Variants in ASCL3 observed in about 807,000 individuals in gnomAD.
The protein encoded by ASCL3 is achaete-scute homolog 3.
In ASCL3, 1 loss-of-function variant was observed where a neutral mutation model predicts 2.3. The observed-to-expected ratio is 0.44, with a 90% CI of 0.16 to 2.10. The LOEUF (loss-of-function observed/expected upper bound fraction) is 2.10. Ranked by LOEUF, ASCL3 falls within the 30% of genes most tolerant of loss-of-function variation. The pLI is 0.28. For missense variants in ASCL3, 243 were observed against 229.0 expected, an observed-to-expected ratio of 1.06 and a Z score of -0.40; for synonymous variants, 98 against 88.5, an observed-to-expected ratio of 1.11 and a Z score of -0.60.
intron 1 of ASCL3, among the ~76,000 whole-genome samples, chr11:8,940,287 G>T (rs1418024153): frequency 2.0e-5 from 3 of 151,826 alleles, no homozygotes; most frequent in African/African-American, 2.4e-5. Flanking sequence ...GTTGGTTTTT[G>T]TGTGTGTGTG....
At position 8,937,787 on chromosome 11, in the gene ASCL3, C is replaced by T; in HGVS notation, c.375G>A (p.Leu125=). ...TTTCCACTTTGCTGAGTCGCTTCTC[C>T]AAATACTCCTCTGGCAGATGATGGC... ...QLRHHLPEEY[L]EKRLSKVETL... Residue 125 remains leucine, a synonymous_variant, in exon 2 of 2, where the codon TTG becomes TTA. Coordinates refer to ENST00000531618, the MANE Select transcript of ASCL3 (RefSeq NM_020646.3). The T allele has an allele frequency of 6.2e-7, 1 of 1,614,070 alleles. No homozygotes were observed. The highest frequency in any genetic ancestry group is 8.5e-7 in the Non-Finnish European group (1 of 1,179,984).
chr11:8,938,187 C>A lies in ASCL3; in HGVS notation c.-12-14G>T. 2 of 1,544,710 alleles carry A rather than the reference C, an allele frequency of 1.3e-6. No homozygotes were observed. Among genetic ancestry groups the A allele is most frequent in the Non-Finnish European group, 8.8e-7 (1 of 1,140,814 alleles). The stretch of plus-strand genomic sequence containing the variant: ...TTCCTCTTTAACCTGCAAACATAAC[C>A]AAGTTTAACAATGTGGTCAGATAGA... On this transcript the variant is annotated splice_polypyrimidine_tract_variant and intron_variant, in intron 1 of 1. Transcript: ENST00000531618.
chr11:8,937,861 G>A lies in ASCL3; in HGVS notation c.301C>T (p.Arg101Trp), dbSNP rs751505172. 1.2e-5 allele frequency: 20 copies of A among 1,613,954 alleles called. No homozygotes were observed. Among genetic ancestry groups the A allele is most frequent in the African/African-American group, 4.0e-5 (3 of 74,896 alleles). The change falls in exon 2 of 2, where the codon CGG (arginine) becomes TGG (tryptophan). Residue 101 changes from arginine (R) to tryptophan (W), a missense_variant. Coordinates refer to ENST00000531618, the MANE Select transcript of ASCL3 (RefSeq NM_020646.3). ...GPAFTRKRNE[R>W]ERQRVKCVNE... ...ACACATTTCACCCGCTGCCTTTCCC[G>A]CTCATTCCTTTTCCGGGTGAAGGCT...
chr11:8,941,461 G>C (rs1853694621), intron 1 of ASCL3, among the ~76,000 whole-genome samples: 2 of 151,948 alleles, frequency 1.3e-5, no homozygotes, highest in Non-Finnish European at 2.9e-5. Flanking sequence ...CTGTGTAGTG[G>C]GAGGAGCAGC....
rs2064687490 is a variant in ASCL3, at chr11:8,937,890, C to G, written c.272G>C (p.Gly91Ala). ...ATTCCTTTTCCGGGTGAAGGCTGGC[C>G]CGTAGGAGTACTCGCACCCTCTGTA... ...PNYRGCEYSY[G>A]PAFTRKRNER... The change falls in exon 2 of 2, where the codon GGG becomes GCG. Residue 91 changes from glycine to alanine, a missense_variant. Coordinates refer to ENST00000531618, the MANE Select transcript of ASCL3 (RefSeq NM_020646.3). 1.2e-6 allele frequency: 2 copies of G among 1,613,962 alleles called. No homozygotes were observed. Among genetic ancestry groups the G allele is most frequent in the Non-Finnish European group, 1.7e-6 (2 of 1,180,018 alleles).
chr11:8,938,205 C>A, intron 1 of ASCL3, 32 bp from the exon 2 acceptor site: 1 of 1,487,140 alleles, frequency 6.7e-7, no homozygotes, highest in South Asian at 1.3e-5. Flanking sequence ...ACAATGTGGT[C>A]AGATAGAGAG....
rs754917466 is a variant in ASCL3, at chr11:8,937,864, C to T, written c.298G>A (p.Glu100Lys). 9 of 1,614,014 alleles carry T rather than the reference C, an allele frequency of 5.6e-6. No individual in the cohort carries two copies. The highest frequency in any genetic ancestry group is 1.6e-4 in the Middle Eastern group (1 of 6,082). The change falls in exon 2 of 2, where the codon GAG (glutamate) becomes AAG (lysine). Residue 100 changes from glutamate to lysine, a missense_variant. Transcript: ENST00000531618. ...YGPAFTRKRN[E>K]RERQRVKCVN... is the part of the protein sequence containing the mutation. Reference sequence around the variant, plus strand: ...CATTTCACCCGCTGCCTTTCCCGCTCATTCCTTTTCCGGGTGAAGGCTGGC... The same window carrying T: ...CATTTCACCCGCTGCCTTTCCCGCTTATTCCTTTTCCGGGTGAAGGCTGGC...
chr11:8,940,037 A>AT (rs2064698820), intron 1 of ASCL3, among the ~76,000 whole-genome samples: 1 of 152,004 alleles, frequency 6.6e-6, no homozygotes, highest in Admixed American at 6.5e-5. Flanking sequence ...GAGTGCAGTA[A>AT]TGTGATCATG....
At chr11:8,942,086 A>G (rs1196150652) in intron 1 of ASCL3, among the ~76,000 whole-genome samples, 1 of 152,168 alleles carries the variant, frequency 6.6e-6, no homozygotes, top group Non-Finnish European at 1.5e-5. Context: ...AATATCTTAA[A>G]TCTTGACCCA....
At chr11:8,938,683 A>G (rs2064692389) in intron 1 of ASCL3, among the ~76,000 whole-genome samples, 1 of 152,090 alleles carries the variant, frequency 6.6e-6, no homozygotes, top group Non-Finnish European at 1.5e-5. Flanking sequence ...ACTAAATAAC[A>G]TTGAATCACC....
intron 1 of ASCL3, 25 bp from the exon 2 acceptor site, chr11:8,938,198 AT>A: frequency 1.3e-6 from 2 of 1,517,976 alleles, no homozygotes; most frequent in Non-Finnish European, 1.8e-6. Context: ...AAGTTTAACA[AT>A]GTGGTCAGAT....
intron 1 of ASCL3, among the ~76,000 whole-genome samples, chr11:8,938,660 A>G (rs969450566): frequency 6.6e-6 from 1 of 152,134 alleles, no homozygotes; most frequent in Admixed American, 6.5e-5. Context: ...TTTTGATGGT[A>G]CACAGAAACA....
At chr11:8,941,969 C>G (rs144591664) in intron 1 of ASCL3, among the ~76,000 whole-genome samples, 1 of 152,066 alleles carries the variant, frequency 6.6e-6, no homozygotes, top group Non-Finnish European at 1.5e-5. Context: ...CTGTAGTTAA[C>G]AAGCTGGAAT....
rs2064688613 is a variant in ASCL3, at chr11:8,938,015, G to C, written c.147C>G (p.Tyr49Ter). 6.2e-7 allele frequency: 1 copy of C among 1,613,860 alleles called. No homozygotes were observed. The highest frequency in any genetic ancestry group is 1.7e-5 in the Admixed American group (1 of 59,994). Reference protein sequence around the residue: ...VHPEAPVSSPYSEELPRLPFP... With the variant: ...VHPEAPVSSP ...AAGGCAGCCGTGGCAGCTCCTCAGA[G>C]TAAGGGGATGACACCGGGGCCTCTG... The change falls in exon 2 of 2, where the codon TAC becomes TAG. Residue 49 changes from tyrosine (Y) to a stop codon, truncating the protein, a stop_gained. Transcript: ENST00000531618. LOFTEE classifies it high-confidence loss of function.
intron 1 of ASCL3, among the ~76,000 whole-genome samples, chr11:8,941,653 G>C (rs550730709): frequency 6.6e-6 from 1 of 152,080 alleles, no homozygotes; most frequent in Non-Finnish European, 1.5e-5. Flanking sequence ...GGGGTGGTGG[G>C]ATGAGATAAG....
chr11:8,942,047 A>G (rs1302650718), intron 1 of ASCL3, among the ~76,000 whole-genome samples: 1 of 152,212 alleles, frequency 6.6e-6, no homozygotes, highest in African/African-American at 2.4e-5. Context: ...TCTTTTGGTG[A>G]TGGTTTTACC....
Position 8,941,640 on chromosome 11 carries a change from G to A in ASCL3, c.-13+1346C>T, listed in dbSNP as rs147246719. Among the ~76,000 whole-genome samples, 470 of 152,220 alleles carry A rather than the reference G, an allele frequency of 3.1e-3. 7 individuals are homozygous for A. In the East Asian group the frequency reaches 0.045, roughly 15 times the overall value. On this transcript the variant is annotated intron_variant, in intron 1 of 1. Transcript: ENST00000531618. ...GCCAGGAAAAGCTCTTCTTAAAAGCGACGGGGTGGTGGGATGAGATAAGTG... is the reference window on the plus strand; with the variant it reads ...GCCAGGAAAAGCTCTTCTTAAAAGCAACGGGGTGGTGGGATGAGATAAGTG...
intron 1 of ASCL3, among the ~76,000 whole-genome samples, chr11:8,941,697 A>T (rs1853698900): frequency 2.6e-5 from 4 of 152,132 alleles, no homozygotes; most frequent in Non-Finnish European, 5.9e-5. Context: ...GAAACAGAGG[A>T]ACAGGAAATG....
At chr11:8,939,336 T>C (rs1589939345) in intron 1 of ASCL3, among the ~76,000 whole-genome samples, 1 of 151,274 alleles carries the variant, frequency 6.6e-6, no homozygotes, top group Non-Finnish European at 1.5e-5. Context: ...CCCCCCCGGG[T>C]TCAAGTGATT....
Sources: allele counts gnomAD v4.1 joint callset (sites outside exome capture counted in the v4.1 genomes callset), GRCh38; gene constraint gnomAD v4.1.1; transcripts MANE v1.5; gene names NCBI Gene and HGNC (gene_info 2026-07-23, HGNC 2026-07-21).